NAV2: variants seen among roughly 807,000 people sequenced by gnomAD.
The protein encoded by NAV2 is neuron navigator 2.
A neutral mutation model predicts 223.2 loss-of-function variants in NAV2; 54 were observed. That is an observed-to-expected ratio of 0.24 (90% CI 0.19 to 0.30). The LOEUF (loss-of-function observed/expected upper bound fraction) is 0.30. Among genes scored for constraint, NAV2 ranks in the 10% least tolerant of loss-of-function variants. The pLI is 1.00. For synonymous variants in NAV2, 1,279 were observed against 1,239.3 expected (o/e 1.03, Z -0.67); for missense variants, 2,806 against 3,147.5 (o/e 0.89, Z 2.60).
chr11:19,803,254 A>G (rs1284294334), intron 1 of NAV2, among the ~76,000 whole-genome samples: 1 of 152,184 alleles, frequency 6.6e-6, no homozygotes, highest in Non-Finnish European at 1.5e-5. Context: ...TATCTGTTGA[A>G]CTCAGGTGGA....
intron 1 of NAV2, among the ~76,000 whole-genome samples, chr11:19,819,661 C>T (rs545005644): frequency 1.3e-4 from 20 of 152,174 alleles, no homozygotes; most frequent in African/African-American, 4.3e-4. Flanking sequence ...ATGGAGATGA[C>T]GGAAATAATG....
intron 3 of NAV2, among the ~76,000 whole-genome samples, chr11:19,845,573 G>A (rs2060758712): frequency 6.6e-6 from 1 of 152,230 alleles, no homozygotes; most frequent in South Asian, 2.1e-4. Context: ...TGGAGTGGGT[G>A]CTATTCCAGT....
intron 1 of NAV2, among the ~76,000 whole-genome samples, chr11:19,689,326 A>T (rs1369643545): frequency 6.6e-6 from 1 of 152,236 alleles, no homozygotes; most frequent in East Asian, 1.9e-4. Context: ...TCCAAGGGAT[A>T]CGTGCAAAGA....
chr11:19,434,842 G>A (rs1851157360), intron 1 of NAV2, among the ~76,000 whole-genome samples: 1 of 137,616 alleles, frequency 7.3e-6, no homozygotes. Flanking sequence ...GAAGCAAAAG[G>A]TTGTGGCTTT....
rs150654255 is a variant in NAV2 at position 19,868,975 on chromosome 11, C to T, written c.489C>T (p.Asn163=). Residue 163 remains asparagine (N), a synonymous_variant, in exon 4 of 38, where the codon AAC becomes AAT. Coordinates refer to ENST00000349880, the MANE Select transcript of NAV2 (RefSeq NM_145117.5). ...ATTTCCTGGCAGCTAAGGGAATAAACATCCAGGGGCTGTCTGCAGAAGGTG... is the reference window on the plus strand; with the variant it reads ...ATTTCCTGGCAGCTAAGGGAATAAATATCCAGGGGCTGTCTGCAGAAGGTG... ...CLNFLAAKGI[N]IQGLSAEEIR... is the part of the protein sequence containing the mutation. 10 of 1,613,844 alleles carry T rather than the reference C, an allele frequency of 6.2e-6. No homozygotes were observed. Among genetic ancestry groups the T allele is most frequent in the Non-Finnish European group, 8.5e-6 (10 of 1,179,944 alleles).
At chr11:19,918,380 T>C (rs2043984943) in intron 6 of NAV2, among the ~76,000 whole-genome samples, 1 of 152,246 alleles carries the variant, frequency 6.6e-6, no homozygotes, top group Non-Finnish European at 1.5e-5. Context: ...TTCTGGCTTG[T>C]CAGCCAAATT....
rs188755144 is a variant in NAV2, at chr11:19,959,279, A to G, written c.2645+10199A>G. ...GGAAAACCCAGTCCCACAGCCTGCC[A>G]ACTCTTGTCCCCGGAGGAACTCAGG... is the stretch of plus-strand genomic sequence containing the variant. On this transcript the variant is annotated intron_variant, in intron 10 of 37. Transcript: ENST00000349880. Among the ~76,000 whole-genome samples the G allele has an allele frequency of 2.0e-5, 3 of 152,292 alleles. No homozygotes were observed. The East Asian group carries it at 5.8e-4, about 29-fold the overall frequency.
At chr11:19,797,538 CCTTG>C (rs1230001350) in intron 1 of NAV2, among the ~76,000 whole-genome samples, 1 of 152,028 alleles carries the variant, frequency 6.6e-6, no homozygotes, top group African/African-American at 2.4e-5. Flanking sequence ...TTTTTTAATG[CCTTG>C]ACCATGATGT....
At chr11:19,778,829 G>A (rs964669449) in intron 1 of NAV2, among the ~76,000 whole-genome samples, 5 of 152,170 alleles carry the variant, frequency 3.3e-5, no homozygotes, top group African/African-American at 9.7e-5. Flanking sequence ...GAAGAGGCCA[G>A]AGTTTCACAT....
At chr11:20,032,223 C>T (rs1320310215) in intron 11 of NAV2, among the ~76,000 whole-genome samples, 2 of 152,182 alleles carry the variant, frequency 1.3e-5, no homozygotes, top group Non-Finnish European at 2.9e-5. Context: ...CGTGTCACTG[C>T]CCTTCATCCT....
intron 1 of NAV2, among the ~76,000 whole-genome samples, chr11:19,459,828 A>G (rs1440147983): frequency 6.6e-6 from 1 of 152,206 alleles, no homozygotes; most frequent in Non-Finnish European, 1.5e-5. Flanking sequence ...CTTGGGAGCC[A>G]CAGAATGTTT....
intron 1 of NAV2, among the ~76,000 whole-genome samples, chr11:19,741,676 T>C (rs927931125): frequency 3.2e-5 from 2 of 61,736 alleles, no homozygotes; most frequent in African/African-American, 1.2e-4. Context: ...GTATGTATCA[T>C]GTGTGTGTGT....
At chr11:19,930,183 A>C (rs1449449286) in intron 6 of NAV2, among the ~76,000 whole-genome samples, 1 of 152,130 alleles carries the variant, frequency 6.6e-6, no homozygotes, top group Non-Finnish European at 1.5e-5. Context: ...AGTAGGGGAA[A>C]ATGTCATGTG....
chr11:19,887,961 TGC>T, intron 5 of NAV2, among the ~76,000 whole-genome samples: 1 of 146,036 alleles, frequency 6.8e-6, no homozygotes, highest in Non-Finnish European at 1.5e-5. Flanking sequence ...TTTTTTTTTT[TGC>T]CATCAGCACG....
chr11:20,077,890 G>A, intron 23 of NAV2, 103 bp from the exon 24 acceptor site: 1 of 897,366 alleles, frequency 1.1e-6, no homozygotes, highest in South Asian at 1.5e-5. Context: ...GTTTTGTTGA[G>A]CTACTTCATT....
At chr11:20,070,134 C>A (rs988998715) in intron 22 of NAV2, among the ~76,000 whole-genome samples, 5 of 152,242 alleles carry the variant, frequency 3.3e-5, no homozygotes, top group Admixed American at 3.3e-4. Flanking sequence ...AATTCTGAGG[C>A]GTAGGTCCTG....
chr11:19,919,994 G>A (rs1002594929), intron 6 of NAV2, among the ~76,000 whole-genome samples: 1 of 152,176 alleles, frequency 6.6e-6, no homozygotes, highest in Non-Finnish European at 1.5e-5. Context: ...AATTAGCCGG[G>A]CATGGTAGCA....
chr11:20,119,158 T>C lies in NAV2; in HGVS notation c.*900T>C, dbSNP rs2153733771. On this transcript the variant is annotated 3_prime_UTR_variant, in exon 38 of 38. Transcript: ENST00000349880. ...CTTTTGAAAATGAGGTTGAGTTTCT[T>C]CCTTTCTGATGCATTGATTTTTGAA... 2.0e-5 allele frequency: 3 copies of C among 152,010 alleles called. No individual in the cohort carries two copies. In the Middle Eastern group the frequency reaches 0.01, roughly 517 times the overall value. The allele number at this position is 152,010 out of a possible 1,614,324, so 9.4% of individuals were successfully genotyped here.
At chr11:19,957,897 AAGAG>A (rs1293434779) in intron 10 of NAV2, among the ~76,000 whole-genome samples, 1 of 151,422 alleles carries the variant, frequency 6.6e-6, no homozygotes, top group East Asian at 1.9e-4. Context: ...ATTTATGGGG[AAGAG>A]AGAGAGAAAA....
Sources: allele counts gnomAD v4.1 joint callset (sites outside exome capture counted in the v4.1 genomes callset), GRCh38; gene constraint gnomAD v4.1.1; transcripts MANE v1.5; gene names NCBI Gene and HGNC (gene_info 2026-07-23, HGNC 2026-07-21).